Variants in CTNNA3 observed in about 807,000 individuals in gnomAD.
The protein encoded by CTNNA3 is catenin alpha-3.
CTNNA3 carries 76 observed loss-of-function variants against 95.7 expected under a neutral mutation model. The ratio of observed to expected loss-of-function variants is 0.79; its 90% CI spans 0.66 to 0.96. The LOEUF is 0.96. CTNNA3 is among the 40% of genes least tolerant of loss of function. The probability of loss-of-function intolerance (pLI) is 0.00; values close to 1 mark genes in which losing one functional copy is unlikely to be tolerated. For synonymous variants in CTNNA3, 431 were observed against 374.4 expected, an observed-to-expected ratio of 1.15 and a Z score of -1.74; for missense variants, 1,191 against 1,089.8, an observed-to-expected ratio of 1.09 and a Z score of -1.31.
At chr10:66,264,496 T>C (rs2091098163) in intron 13 of CTNNA3, among the ~76,000 whole-genome samples, 1 of 152,052 alleles carries the variant, frequency 6.6e-6, no homozygotes, top group South Asian at 2.1e-4. Context: ...GTCAAAGTGA[T>C]AATATTTTGG....
At chr10:67,290,746 T>G (rs1431321818) in intron 5 of CTNNA3, among the ~76,000 whole-genome samples, 2 of 151,808 alleles carry the variant, frequency 1.3e-5, no homozygotes, top group Non-Finnish European at 2.9e-5. Flanking sequence ...AGTAAGAGAG[T>G]TCAAAATACA....
chr10:66,295,281 G>A (rs959156836), intron 12 of CTNNA3, among the ~76,000 whole-genome samples: 1 of 152,054 alleles, frequency 6.6e-6, no homozygotes, highest in Non-Finnish European at 1.5e-5. Flanking sequence ...TGCACTATAA[G>A]AGCAATATCT....
At chr10:67,718,366 G>C (rs1841156993) in intron 1 of CTNNA3, among the ~76,000 whole-genome samples, 1 of 152,182 alleles carries the variant, frequency 6.6e-6, no homozygotes, top group Non-Finnish European at 1.5e-5. Flanking sequence ...GTAGTGGTGA[G>C]AGAGGGCATT....
At chr10:66,578,790 T>TA in intron 10 of CTNNA3, among the ~76,000 whole-genome samples, 1 of 149,612 alleles carries the variant, frequency 6.7e-6, no homozygotes, top group Admixed American at 6.6e-5. Flanking sequence ...CTTTCTTTTT[T>TA]TTTTTTTGTT....
chr10:66,529,439 GTTTTTTTTTTGTT>G (rs1841383614), intron 10 of CTNNA3, among the ~76,000 whole-genome samples: 1 of 50,596 alleles, frequency 2.0e-5, no homozygotes, highest in African/African-American at 7.2e-5. Context: ...GCCAAACAGT[GTTTTTTTTTTGTT>G]TTTTTTTTTT....
chr10:67,143,132 T>C (rs1306207792), intron 7 of CTNNA3, among the ~76,000 whole-genome samples: 2 of 151,126 alleles, frequency 1.3e-5, no homozygotes, highest in African/African-American at 4.9e-5. Flanking sequence ...GATTGACTCT[T>C]TCTTTCACAA....
intron 12 of CTNNA3, among the ~76,000 whole-genome samples, chr10:66,357,876 T>C (rs1195995310): frequency 6.6e-6 from 1 of 152,100 alleles, no homozygotes; most frequent in Admixed American, 6.6e-5. Flanking sequence ...GTCTGACCAT[T>C]TTCCAGAGAA....
At chr10:65,992,457 C>G (rs7898364) in intron 15 of CTNNA3, among the ~76,000 whole-genome samples, 103,801 of 151,790 alleles carry the variant, frequency 0.68, 35,718 homozygotes, top group Non-Finnish European at 0.72. Context: ...TCTATTTTTT[C>G]CACACTTGAT....
intron 5 of CTNNA3, among the ~76,000 whole-genome samples, chr10:67,481,776 G>T (rs746143043): frequency 2.6e-5 from 4 of 152,118 alleles, no homozygotes; most frequent in Admixed American, 6.6e-5. Flanking sequence ...GTCAATTTTG[G>T]CTTTTGTTGT....
intron 14 of CTNNA3, among the ~76,000 whole-genome samples, chr10:66,082,921 C>CT (rs1489359465): frequency 3.3e-5 from 5 of 151,086 alleles, no homozygotes; most frequent in Admixed American, 6.6e-5. Flanking sequence ...TCTAAGCACA[C>CT]TTTTTAAGTA....
chr10:65,978,984 C>T (rs949982396), intron 16 of CTNNA3, among the ~76,000 whole-genome samples: 3 of 152,062 alleles, frequency 2.0e-5, no homozygotes, highest in South Asian at 2.1e-4. Flanking sequence ...AACATTGTCT[C>T]ATATGGTATG....
At chr10:66,439,961 C>T (rs2093364375) in intron 11 of CTNNA3, among the ~76,000 whole-genome samples, 1 of 152,074 alleles carries the variant, frequency 6.6e-6, no homozygotes, top group South Asian at 2.1e-4. Flanking sequence ...TATTTCATTC[C>T]TATAAAATCA....
intron 3 of CTNNA3, among the ~76,000 whole-genome samples, chr10:67,554,736 T>C (rs1002892216): frequency 1.3e-5 from 2 of 152,226 alleles, no homozygotes; most frequent in Admixed American, 6.5e-5. Flanking sequence ...TTTCTTTTGC[T>C]GTGCAGAAGC....
chr10:66,898,468 T>C (rs1413336180), intron 7 of CTNNA3, among the ~76,000 whole-genome samples: 1 of 152,096 alleles, frequency 6.6e-6, no homozygotes, highest in Non-Finnish European at 1.5e-5. Flanking sequence ...CAAAACAGTA[T>C]GGTGCTGGCA....
Position 66,775,534 on chromosome 10 carries a change from A to G in CTNNA3, c.1048-10T>C, listed in dbSNP as rs1329898625. The G allele has an allele frequency of 6.3e-7, 1 of 1,584,052 alleles. No homozygotes were observed. The highest frequency in any genetic ancestry group is 1.7e-5 in the Admixed American group (1 of 57,404). On this transcript the variant is annotated splice_polypyrimidine_tract_variant and intron_variant, in intron 7 of 17. Transcript: ENST00000433211. ...TTTCTTTTTTTCCAGCCTGCAAAGA[A>G]GAAAAAACGACATAAGCAATGGTAT...
Position 66,350,569 on chromosome 10 carries a change from C to T in CTNNA3, c.1732+28583G>A, listed in dbSNP as rs115854079. 7.1e-3 allele frequency among the ~76,000 whole-genome samples: 1,039 copies of T among 146,942 alleles called. 8 individuals are homozygous for T. Among genetic ancestry groups the T allele is most frequent in the African/African-American group, 0.024 (942 of 40,030 alleles). On this transcript the variant is annotated intron_variant, in intron 12 of 17. Transcript: ENST00000433211. ...AAAAAAATTGGGGAAGAAATTCCCACATCTTATTGAAAAATGATGGGAAAT... is the reference window on the plus strand; with the variant it reads ...AAAAAAATTGGGGAAGAAATTCCCATATCTTATTGAAAAATGATGGGAAAT...
At chr10:66,045,617 T>G (rs2079813518) in intron 15 of CTNNA3, among the ~76,000 whole-genome samples, 1 of 152,202 alleles carries the variant, frequency 6.6e-6, no homozygotes, top group Non-Finnish European at 1.5e-5. Context: ...AAAGAAAGTG[T>G]TCATTGCTTT....
At chr10:66,591,320 G>A (rs920842169) in intron 10 of CTNNA3, among the ~76,000 whole-genome samples, 1 of 152,122 alleles carries the variant, frequency 6.6e-6, no homozygotes, top group Admixed American at 6.5e-5. Context: ...AAGGAAGATT[G>A]TTGGGAATAT....
chr10:66,667,012 C>A (rs1300649343), intron 9 of CTNNA3, among the ~76,000 whole-genome samples: 2 of 152,040 alleles, frequency 1.3e-5, no homozygotes, highest in African/African-American at 2.4e-5. Flanking sequence ...CACACTAGCA[C>A]ATTAGCTATT....
Sources: gnomAD v4.1 joint callset for allele counts (sites outside exome capture counted in the v4.1 genomes callset) on GRCh38, gnomAD v4.1.1 for gene constraint, MANE v1.5 for transcripts, NCBI Gene and HGNC (gene_info 2026-07-23, HGNC 2026-07-21) for gene names.